ZAN: variants seen among roughly 807,000 people sequenced by gnomAD.
ZAN encodes zonadhesin (gene/pseudogene).
In ZAN, 260 loss-of-function variants were observed where a neutral mutation model predicts 286.2. The ratio of observed to expected loss-of-function variants is 0.91; its 90% CI spans 0.82 to 1.01. ZAN has a LOEUF of 1.01. Among genes scored for constraint, ZAN ranks in the 50% least tolerant of loss-of-function variants. ZAN has a pLI of 0.00. For missense variants in ZAN, 3,410 were observed against 3,639.2 expected (o/e 0.94, Z 1.62); for synonymous variants, 1,368 against 1,417.5 (o/e 0.97, Z 0.79).
At chr7:100,783,799 T>G (rs1459471588) in intron 35 of ZAN, among the ~76,000 whole-genome samples, 1 of 33,604 alleles carries the variant, frequency 3.0e-5, no homozygotes, top group African/African-American at 6.4e-5. Context: ...TATATATATA[T>G]ACACACATAT....
In ZAN at chr7:100,763,971, C is replaced by T. The variant is rs1809770481; in HGVS notation, c.4097+55C>T. 3.1e-6 allele frequency: 5 copies of T among 1,613,658 alleles called. No individual in the cohort carries two copies. In the African/African-American group the frequency reaches 4.0e-5, roughly 13 times the overall value. ...GGGGCGATGCTTGGCACCTGGGCTC[C>T]TCCAAGGCTCTACCCCCTTCCACTG... On this transcript the variant is annotated intron_variant, in intron 21 of 47. Coordinates refer to ENST00000613979, the MANE Select transcript of ZAN (RefSeq NM_003386.3). This position sits in a 1 kb window ranked among gnomAD's most constrained non-coding sequence, Gnocchi z 4.6.
intron 31 of ZAN, 41 bp downstream of exon 31, chr7:100,773,906 G>A: frequency 4.5e-6 from 7 of 1,570,768 alleles, no homozygotes; most frequent in Non-Finnish European, 6.0e-6. Context: ...ACAGCCCTGA[G>A]GCCCACTCTC....
chr7:100,787,516 T>TGG (rs1562955147), intron 37 of ZAN, among the ~76,000 whole-genome samples: 1 of 152,148 alleles, frequency 6.6e-6, no homozygotes, highest in Non-Finnish European at 1.5e-5. Flanking sequence ...GGAGGGACTC[T>TGG]GGGGACTGTC....
intron 35 of ZAN, among the ~76,000 whole-genome samples, chr7:100,780,486 C>T (rs1811126306): frequency 6.6e-6 from 1 of 151,938 alleles, no homozygotes; most frequent in Non-Finnish European, 1.5e-5. Flanking sequence ...CCAGCCTGGG[C>T]AACATAGTGA....
chr7:100,767,876 C>T lies in ZAN; in HGVS notation c.4906C>T (p.Arg1636Trp), dbSNP rs545917447. 2.3e-5 allele frequency: 37 copies of T among 1,613,822 alleles called. No homozygotes were observed. The highest frequency in any genetic ancestry group is 2.7e-5 in the Non-Finnish European group (32 of 1,179,872). The change falls in exon 26 of 48, where the codon CGG (arginine) becomes TGG (tryptophan). Residue 1636 changes from arginine to tryptophan, a missense_variant. Transcript: ENST00000613979. ...CCTACCTGTGTGGCTTGCACAAGGC[C>T]GGGTGACCATAAGGCTCAGCAGCAA... is the stretch of plus-strand genomic sequence containing the variant. Reference protein sequence around the residue: ...VALPVWLAQGRVTIRLSSNLV... With the variant: ...VALPVWLAQGWVTIRLSSNLV...
chr7:100,795,404 T>TATATGTATTATATTCACATATAGAATG, intron 45 of ZAN, 68 bp downstream of exon 45: 1 of 1,381,960 alleles, frequency 7.2e-7, no homozygotes, highest in Non-Finnish European at 9.4e-7. Context: ...AGAATGATTC[T>TATATGTATTATATTCACATATAGAATG]ATATGTATTA....
rs1241697189 is a variant in ZAN, at chr7:100,752,757, A to G, written c.2652A>G (p.Lys884=). Residue 884 remains lysine (K), a synonymous_variant, in exon 14 of 48, where the codon AAA becomes AAG. Transcript: ENST00000613979. ...PTEKLTIPTE[K]PTIPIEETTI... ...AAAAACTCACCATCCCCACGGAAAA[A>G]CCCACCATCCCCATTGAAGAGACTA... 10 of 1,538,422 alleles carry G rather than the reference A, an allele frequency of 6.5e-6. No homozygotes were observed. The highest frequency in any genetic ancestry group is 8.0e-6 in the Non-Finnish European group (9 of 1,131,700).
chr7:100,765,176 C>G (rs1385337162), intron 22 of ZAN, among the ~76,000 whole-genome samples, 176 bp from the exon 23 acceptor site: 3 of 152,170 alleles, frequency 2.0e-5, no homozygotes, highest in Admixed American at 2.0e-4. Context: ...TAGTGCTGGC[C>G]CTGCAGCCCC....
chr7:100,749,465 C>G (rs906316014), intron 11 of ZAN, among the ~76,000 whole-genome samples: 10 of 149,856 alleles, frequency 6.7e-5, no homozygotes, highest in Non-Finnish European at 1.3e-4. Context: ...ACGGTGAAAC[C>G]CCGTCCCTAC....
chr7:100,750,942 C>CA (rs1393449512), intron 12 of ZAN, 46 bp downstream of exon 12: 2 of 1,513,454 alleles, frequency 1.3e-6, no homozygotes, highest in South Asian at 2.7e-5. Flanking sequence ...GTGAGAGGGC[C>CA]AATGCCTGGG....
intron 3 of ZAN, 148 bp from the exon 4 acceptor site, chr7:100,736,335 C>G (rs1302420595): frequency 1.0e-6 from 1 of 965,872 alleles, no homozygotes; most frequent in Non-Finnish European, 1.6e-6. Flanking sequence ...TCCCCAGTAG[C>G]TGGGACTACA....
intron 27 of ZAN, among the ~76,000 whole-genome samples, chr7:100,769,360 C>A (rs1810220971): frequency 6.6e-6 from 1 of 152,106 alleles, no homozygotes; most frequent in Non-Finnish European, 1.5e-5. Context: ...TCCCAAAGTG[C>A]TGGGATTACA....
At chr7:100,778,038 T>C (rs564708474) in intron 34 of ZAN, among the ~76,000 whole-genome samples, 1 of 152,160 alleles carries the variant, frequency 6.6e-6, no homozygotes, top group African/African-American at 2.4e-5. Context: ...CAGAGGCTCA[T>C]GCCTGTGATT....
rs1380959227 is a variant in ZAN at position 100,752,915 on chromosome 7, C to T, written c.2810C>T (p.Ser937Phe). Residue 937 changes from serine to phenylalanine, a missense_variant, in exon 14 of 48, where the codon TCC becomes TTC. Ser to Phe is a radical substitution (Grantham distance 155). Transcript: ENST00000613979. ...ATCCCCACTGAAGAGACTACCATCT[C>T]CACAGAAAAACTCACCATCCCCACA... ...PTIPTEETTI[S>F]TEKLTIPTEK... The T allele has an allele frequency of 6.2e-7, 1 of 1,611,980 alleles. No individual in the cohort carries two copies. The highest frequency in any genetic ancestry group is 1.7e-5 in the Admixed American group (1 of 59,704).
chr7:100,792,976 CTA>C (rs1812090427), intron 42 of ZAN, among the ~76,000 whole-genome samples: 1 of 46,650 alleles, frequency 2.1e-5, no homozygotes, highest in Non-Finnish European at 6.3e-5. Context: ...GAGCAACATC[CTA>C]TCTCAAAAAA....
In ZAN at chr7:100,794,277, C is replaced by T; in HGVS notation, c.8125+19C>T. 2 of 1,580,034 alleles carry T rather than the reference C, an allele frequency of 1.3e-6. No individual in the cohort carries two copies. The highest frequency in any genetic ancestry group is 1.7e-6 in the Non-Finnish European group (2 of 1,162,540). On this transcript the variant is annotated intron_variant, in intron 44 of 47. Transcript: ENST00000613979. ...TTTCCAGGTGAACCTGCACTCCTGC[C>T]CGGTTCCAAGCTGCCCCATGCCCTG...
In ZAN at chr7:100,738,483, C is replaced by G; in HGVS notation, c.636C>G (p.Ser212Arg). Residue 212 changes from serine to arginine, a missense_variant, in exon 7 of 48, where the codon AGC (serine) becomes AGG (arginine). Physicochemically the swap from Ser to Arg is moderately radical, Grantham distance 110 (BLOSUM62 -1). Transcript: ENST00000613979. Reference sequence around the variant, plus strand: ...CAGTCTGTATGATGCAAACATGCAGCTTTGACATTCCAAATGACCTCTGTG... The same window carrying G: ...CAGTCTGTATGATGCAAACATGCAGGTTTGACATTCCAAATGACCTCTGTG... ...CNRVCMMQTC[S>R]FDIPNDLCDW... 1.4e-6 allele frequency: 2 copies of G among 1,477,142 alleles called. No individual in the cohort carries two copies. The highest frequency in any genetic ancestry group is 1.8e-6 in the Non-Finnish European group (2 of 1,083,412). The allele number at this position is 1,477,142 out of a possible 1,614,324, so 91.5% of individuals were successfully genotyped here. A position where few individuals can be genotyped will look rare whatever the true frequency, so the allele number is the denominator to read the frequency against.
At chr7:100,735,393 C>T (rs1807222824) in intron 2 of ZAN, among the ~76,000 whole-genome samples, 1 of 135,072 alleles carries the variant, frequency 7.4e-6, no homozygotes, top group African/African-American at 2.7e-5. Flanking sequence ...AGAAAGACCC[C>T]ATCTCTATAA....
At chr7:100,785,906 G>A (rs976428029) in intron 36 of ZAN, 91 bp from the exon 37 acceptor site, 24 of 1,479,402 alleles carry the variant, frequency 1.6e-5, no homozygotes, top group East Asian at 5.0e-5. Flanking sequence ...TGATCCACCC[G>A]TCTCGGCCTC....
Sources: gnomAD v4.1 joint callset for allele counts (sites outside exome capture counted in the v4.1 genomes callset) on GRCh38, gnomAD v4.1.1 for gene constraint, Gnocchi (gnomAD v3.1) non-coding constraint, MANE v1.5 for transcripts, NCBI Gene and HGNC (gene_info 2026-07-23, HGNC 2026-07-21) for gene names.